Variants in ODAD2 observed in about 807,000 individuals in gnomAD.
ODAD2 encodes outer dynein arm-docking complex subunit 2.
A neutral mutation model predicts 106.8 loss-of-function variants in ODAD2; 89 were observed. The observed-to-expected ratio is 0.83, with a 90% CI of 0.70 to 0.99. ODAD2 has a LOEUF of 0.99. Ranked by LOEUF, ODAD2 falls within the 50% of genes least tolerant of loss-of-function variation. The pLI is 0.00. For synonymous variants in ODAD2, 404 were observed against 436.2 expected, an observed-to-expected ratio of 0.93 and a Z score of 0.92; for missense variants, 1,168 against 1,238.5, an observed-to-expected ratio of 0.94 and a Z score of 0.85.
chr10:27,826,811 A>G lies in ODAD2; in HGVS notation c.3022-14186T>C, dbSNP rs115558664. Among the ~76,000 whole-genome samples the G allele has an allele frequency of 8.1e-3, 1,227 of 152,030 alleles. 21 individuals carry two copies. Among genetic ancestry groups the G allele is most frequent in the African/African-American group, 0.028 (1,170 of 41,444 alleles). Reference sequence around the variant, plus strand: ...CAATTAACATTTAAACATATCTGCTATCTCAGAACAGAAACATAACAAACA... The same window carrying G: ...CAATTAACATTTAAACATATCTGCTGTCTCAGAACAGAAACATAACAAACA... On this transcript the variant is annotated intron_variant, in intron 19 of 19. Transcript: ENST00000305242.
chr10:27,816,586 T>G (rs1836152536), intron 19 of ODAD2, among the ~76,000 whole-genome samples: 1 of 152,082 alleles, frequency 6.6e-6, no homozygotes, highest in Non-Finnish European at 1.5e-5. Flanking sequence ...GGAAAACAGT[T>G]TAGGTGGGAC....
chr10:27,955,064 A>C lies in ODAD2; in HGVS notation c.1386+6504T>G, dbSNP rs1588601326. On this transcript the variant is annotated intron_variant, in intron 10 of 19. Coordinates refer to ENST00000305242, the MANE Select transcript of ODAD2 (RefSeq NM_018076.5). Reference sequence around the variant, plus strand: ...ACTTTTTAAAGAAAGCTCAACCCACATCAATGTAGCAACACATCTACTAAC... The same window carrying C: ...ACTTTTTAAAGAAAGCTCAACCCACCTCAATGTAGCAACACATCTACTAAC... 2.0e-5 allele frequency among the ~76,000 whole-genome samples: 3 copies of C among 152,326 alleles called. No individual in the cohort carries two copies. In the East Asian group the frequency reaches 5.8e-4, roughly 29 times the overall value.
At chr10:27,855,775 C>T (rs1264550034) in intron 19 of ODAD2, among the ~76,000 whole-genome samples, 1 of 152,174 alleles carries the variant, frequency 6.6e-6, no homozygotes, top group African/African-American at 2.4e-5. Flanking sequence ...TTCAGCAGTT[C>T]CAATTGAACT....
intron 17 of ODAD2, among the ~76,000 whole-genome samples, chr10:27,871,949 T>C (rs1840930112): frequency 6.6e-6 from 1 of 152,188 alleles, no homozygotes; most frequent in Non-Finnish European, 1.5e-5. Flanking sequence ...CCTTGGGCAG[T>C]ATGGCCATTT....
rs566855422 is a variant in ODAD2 at position 27,938,678 on chromosome 10, C to T, written c.2097+1219G>A. Among the ~76,000 whole-genome samples, 35 of 151,788 alleles carry T rather than the reference C, an allele frequency of 2.3e-4. No individual in the cohort carries two copies. The South Asian group carries it at 5.9e-3, about 25-fold the overall frequency. On this transcript the variant is annotated intron_variant, in intron 14 of 19. Transcript: ENST00000305242. ...CCAGTGGCGCGATCTTGGCTCACTG[C>T]AACCTCCACCTCCCAGGTTCAAGTG...
intron 16 of ODAD2, among the ~76,000 whole-genome samples, chr10:27,916,607 A>C (rs926444978): frequency 1.1e-4 from 16 of 152,276 alleles, no homozygotes; most frequent in African/African-American, 3.6e-4. Flanking sequence ...CAACGTGAAG[A>C]TGACCAAGAT....
intron 2 of ODAD2, among the ~76,000 whole-genome samples, chr10:27,991,974 G>A (rs1588674062): frequency 6.6e-6 from 1 of 152,282 alleles, no homozygotes; most frequent in East Asian, 1.9e-4. Context: ...AATTCTTTGG[G>A]TAATTGAGAA....
intron 19 of ODAD2, among the ~76,000 whole-genome samples, chr10:27,845,511 A>G (rs972716442): frequency 3.3e-5 from 5 of 152,228 alleles, no homozygotes; most frequent in African/African-American, 1.2e-4. Flanking sequence ...AAACTGCATC[A>G]ACTAACAAGC....
chr10:27,962,771 T>G (rs993025094), intron 9 of ODAD2, among the ~76,000 whole-genome samples: 2 of 151,952 alleles, frequency 1.3e-5, no homozygotes, highest in Non-Finnish European at 2.9e-5. Flanking sequence ...TGTCTCCGCC[T>G]CCCACCGCCG....
rs147269040 is a variant in ODAD2, at chr10:27,825,289, C to A, written c.3022-12664G>T. ...TAATGATTAGGCCAAGTTCTCAATA[C>A]GCAAAAAGATCTGGAGCTGACTTTA... On this transcript the variant is annotated intron_variant, in intron 19 of 19. Coordinates refer to ENST00000305242, the MANE Select transcript of ODAD2 (RefSeq NM_018076.5). 2.0e-4 allele frequency among the ~76,000 whole-genome samples: 31 copies of A among 152,280 alleles called. 1 individual carries two copies. The East Asian group carries it at 5.8e-3, about 28-fold the overall frequency.
chr10:27,852,130 A>T (rs1490500733), intron 19 of ODAD2, among the ~76,000 whole-genome samples: 1 of 152,222 alleles, frequency 6.6e-6, no homozygotes, highest in East Asian at 1.9e-4. Context: ...GATATATAAG[A>T]CCTGAACGAA....
chr10:27,911,031 C>T (rs1843977541), intron 16 of ODAD2, among the ~76,000 whole-genome samples: 1 of 152,114 alleles, frequency 6.6e-6, no homozygotes, highest in East Asian at 1.9e-4. Flanking sequence ...TGGCCAGTAG[C>T]TCTGTAACTT....
intron 17 of ODAD2, among the ~76,000 whole-genome samples, chr10:27,896,120 T>C (rs1316253335): frequency 6.6e-6 from 1 of 152,364 alleles, no homozygotes; most frequent in Admixed American, 6.5e-5. Flanking sequence ...CTTCATCTCT[T>C]TTGAATTGAC....
chr10:27,967,718 C>T (rs1321088979), intron 9 of ODAD2, among the ~76,000 whole-genome samples: 1 of 151,888 alleles, frequency 6.6e-6, no homozygotes, highest in Non-Finnish European at 1.5e-5. Context: ...TGGCAAAACC[C>T]CGTATCTACT....
intron 10 of ODAD2, among the ~76,000 whole-genome samples, chr10:27,949,981 A>G (rs958012957): frequency 5.9e-5 from 9 of 152,226 alleles, no homozygotes; most frequent in African/African-American, 1.9e-4. Flanking sequence ...AGAGCCCCAC[A>G]TGACCACAGT....
At chr10:27,846,479 C>A (rs902408955) in intron 19 of ODAD2, among the ~76,000 whole-genome samples, 2 of 151,594 alleles carry the variant, frequency 1.3e-5, no homozygotes, top group Non-Finnish European at 2.9e-5. Flanking sequence ...CAGGAAAGAT[C>A]TAAAATTGAC....
At position 27,972,057 on chromosome 10, in the gene ODAD2, T is replaced by C. The variant is rs377476849; in HGVS notation, c.937-744A>G. Among the ~76,000 whole-genome samples the C allele has an allele frequency of 5.3e-5, 8 of 152,298 alleles. 1 individual carries two copies. Among genetic ancestry groups the C allele is most frequent in the African/African-American group, 1.9e-4 (8 of 41,566 alleles). On this transcript the variant is annotated intron_variant, in intron 7 of 19. Coordinates refer to ENST00000305242, the MANE Select transcript of ODAD2 (RefSeq NM_018076.5). ...TATTTTTAATCATTCTAACATATAA[T>C]TGACTATCTAAAGCAAAAATAGTAA... is the stretch of plus-strand genomic sequence containing the variant.
In ODAD2 at chr10:27,940,463, A is replaced by G. The variant is rs1308583946; in HGVS notation, c.1986+100T>C. The stretch of plus-strand genomic sequence containing the variant: ...TTCTCATAGAATGCTGACTTCTAGA[A>G]AAAGAATGTCCTTGAGCCATCATGA... On this transcript the variant is annotated intron_variant, in intron 13 of 19. Coordinates refer to ENST00000305242, the MANE Select transcript of ODAD2 (RefSeq NM_018076.5). The G allele has an allele frequency of 3.5e-6, 5 of 1,425,692 alleles. No individual in the cohort carries two copies. In the Admixed American group the frequency reaches 1.1e-4, roughly 31 times the overall value. The allele number at this position is 1,425,692 out of a possible 1,614,324, so 88.3% of individuals were successfully genotyped here. A position where few individuals can be genotyped will look rare whatever the true frequency, so the allele number is the denominator to read the frequency against.
At chr10:27,935,359 T>A in intron 15 of ODAD2, 107 bp from the exon 16 acceptor site, 2 of 1,366,912 alleles carry the variant, frequency 1.5e-6, no homozygotes, top group Admixed American at 2.1e-5. Flanking sequence ...CAGATATTAT[T>A]AAATCCCCAT....
Sources: allele counts gnomAD v4.1 joint callset (sites outside exome capture counted in the v4.1 genomes callset), GRCh38; gene constraint gnomAD v4.1.1; transcripts MANE v1.5; gene names NCBI Gene and HGNC (gene_info 2026-07-23, HGNC 2026-07-21).